The following APEH variants were observed in gnomAD, a reference collection of about 807,000 sequenced individuals.
APEH encodes acylaminoacyl-peptide hydrolase, also known as acylamino-acid-releasing enzyme.
In APEH, 75 loss-of-function variants were observed where a neutral mutation model predicts 102.7. The ratio of observed to expected loss-of-function variants is 0.73; its 90% CI spans 0.61 to 0.89. The LOEUF (loss-of-function observed/expected upper bound fraction) is 0.89, where lower values mean the gene tolerates loss of function less well. APEH is among the 40% of genes least tolerant of loss of function. APEH has a pLI of 0.00. For synonymous variants in APEH, 344 were observed against 362.7 expected (o/e 0.95, Z 0.59); for missense variants, 863 against 941.2 (o/e 0.92, Z 1.09).
At chr3:49,673,831 G>GCTCACGCTCACAGGCTC (rs1349241443), upstream of APEH, among the ~76,000 whole-genome samples, 1 of 138,034 alleles carries the variant, frequency 7.2e-6, no homozygotes, top group Non-Finnish European at 1.5e-5. Context: ...TCACGCTCAC[G>GCTCACGCTCACAGGCTC]CTCACGCTCA....
chr3:49,674,616 A>T lies in APEH; in HGVS notation c.140A>T (p.His47Leu). ...TQYGGQYRTV[H>L]TEWTQRDLER... Reference sequence around the variant, plus strand: ...TACGGCGGCCAATACCGGACGGTGCACACTGGTGTGTGTGCGAAGGGGAAC... The same window carrying T: ...TACGGCGGCCAATACCGGACGGTGCTCACTGGTGTGTGTGCGAAGGGGAAC... The change falls in exon 2 of 22, where the codon CAC becomes CTC. Residue 47 changes from histidine to leucine, a missense_variant. Physicochemically the swap from His to Leu is moderately conservative, Grantham distance 99. Coordinates refer to ENST00000296456, the MANE Select transcript of APEH (RefSeq NM_001640.4). 6.3e-7 allele frequency: 1 copy of T among 1,585,684 alleles called. No homozygotes were observed. Among genetic ancestry groups the T allele is most frequent in the Non-Finnish European group, 8.5e-7 (1 of 1,175,472 alleles).
chr3:49,676,922 C>T lies in APEH; in HGVS notation c.897C>T (p.Ser299=), dbSNP rs1247811575. The T allele has an allele frequency of 8.1e-6, 13 of 1,614,190 alleles. No homozygotes were observed. Among genetic ancestry groups the T allele is most frequent in the Non-Finnish European group, 1.1e-5 (13 of 1,180,042 alleles). The change falls in exon 10 of 22, where the codon TCC becomes TCT. Residue 299 remains serine, a synonymous_variant. Transcript: ENST00000296456. ...GGKCELLSDD[S]LAVSSPRLSP... ...GCCCAGAGCTCCTCTCGGATGACTC[C>T]CTGGCTGTCTCTTCTCCCCGGCTGA...
At chr3:49,674,726 G>A (rs2052940463) in intron 2 of APEH, 105 bp downstream of exon 2, 1 of 1,443,246 alleles carries the variant, frequency 6.9e-7, no homozygotes, top group Non-Finnish European at 9.3e-7. Context: ...GGGTATATAG[G>A]GAGCCGGCCT....
rs141453477 is a variant in APEH at position 49,680,738 on chromosome 3, C to A, written c.1299+109C>A. The A allele has an allele frequency of 1.5e-4, 144 of 987,576 alleles. No homozygotes were observed. In the East Asian group the frequency reaches 3.7e-3, roughly 25 times the overall value. The allele number at this position is 987,576 out of a possible 1,614,324, so 61.2% of individuals were successfully genotyped here. ...CTGACCTGGCTGGTCAGCATACAGA[C>A]GGGCCAAGACACAGGCCCAGCTTGG... On this transcript the variant is annotated intron_variant, in intron 14 of 21. Coordinates refer to ENST00000296456, the MANE Select transcript of APEH (RefSeq NM_001640.4).
rs2053054610 is a variant in APEH, at chr3:49,676,381, G to C, written c.610G>C (p.Asp204His). ...ATTGAGTATCTTGTGTTCTCAGGGG[G>C]ATCAGTTTGTGTTTTATGAAGACTG... ...LKKPDQAIKG[D>H]QFVFYEDWGE... Residue 204 changes from aspartate (D) to histidine (H), a missense_variant, in exon 7 of 22, where the codon GAT (aspartate) becomes CAT (histidine). Coordinates refer to ENST00000296456, the MANE Select transcript of APEH (RefSeq NM_001640.4). 1 of 1,614,204 alleles carries C rather than the reference G, an allele frequency of 6.2e-7. No homozygotes were observed. Among genetic ancestry groups the C allele is most frequent in the Non-Finnish European group, 8.5e-7 (1 of 1,180,044 alleles).
chr3:49,682,969 G>T, intron 20 of APEH, 24 bp downstream of exon 20: 1 of 1,612,004 alleles, frequency 6.2e-7, no homozygotes, highest in South Asian at 1.1e-5. Context: ...TCCTTGCCCT[G>T]TGTGCTGCCC....
Position 49,683,425 on chromosome 3 carries a change from G to A in APEH, c.*83G>A, listed in dbSNP as rs560104872. 2.8e-5 allele frequency: 34 copies of A among 1,220,606 alleles called. No individual in the cohort carries two copies. In the South Asian group the frequency reaches 3.9e-4, roughly 14 times the overall value. The allele number at this position is 1,220,606 out of a possible 1,614,324, so 75.6% of individuals were successfully genotyped here. ...TCAACGGTCTGGCAGGGCAGCAGGA[G>A]GCTTTCTGGGCTCTGGACTCCACGG... On this transcript the variant is annotated 3_prime_UTR_variant, in exon 22 of 22. Coordinates refer to ENST00000296456, the MANE Select transcript of APEH (RefSeq NM_001640.4).
chr3:49,679,718 C>A lies in APEH; in HGVS notation c.1210+74C>A. The A allele has an allele frequency of 6.8e-7, 1 of 1,469,208 alleles. No individual in the cohort carries two copies. Among genetic ancestry groups the A allele is most frequent in the Non-Finnish European group, 9.5e-7 (1 of 1,051,790 alleles). 91.0% of individuals were successfully genotyped at this position (1,469,208 alleles called of 1,614,324 possible). On this transcript the variant is annotated intron_variant, in intron 13 of 21. Transcript: ENST00000296456. This position sits in a 1 kb window ranked among gnomAD's most constrained non-coding sequence, Gnocchi z 4.3. ...CCAACCAGGCAGCGGGGGACTGGAG[C>A]TCCAACATGTGGGGCAGTGATGGCA...
chr3:49,674,583 C>T lies in APEH; in HGVS notation c.107C>T (p.Thr36Ile). The change falls in exon 2 of 22, where the codon ACC (threonine) becomes ATC (isoleucine). Residue 36 changes from threonine to isoleucine, a missense_variant. Thr to Ile is a moderately conservative substitution (Grantham distance 89, BLOSUM62 -1). Coordinates refer to ENST00000296456, the MANE Select transcript of APEH (RefSeq NM_001640.4). ...LSAACLGPEV[T>I]TQYGGQYRTV... is the part of the protein sequence containing the mutation. ...GCCGCCTGCCTGGGCCCGGAGGTCA[C>T]CACGCAGTACGGCGGCCAATACCGG... 1 of 1,578,854 alleles carries T rather than the reference C, an allele frequency of 6.3e-7. No homozygotes were observed. The highest frequency in any genetic ancestry group is 1.1e-5 in the South Asian group (1 of 87,836).
intron 11 of APEH, 47 bp downstream of exon 11, chr3:49,677,680 C>T: frequency 6.5e-7 from 1 of 1,533,356 alleles, no homozygotes; most frequent in Admixed American, 1.7e-5. Context: ...TGTAGCTCTG[C>T]TTTCCTGCCG....
rs1001094509 is a variant in APEH, at chr3:49,683,031, A to G, written c.1987-9A>G. 1.2e-6 allele frequency: 2 copies of G among 1,612,996 alleles called. No individual in the cohort carries two copies. Among genetic ancestry groups the G allele is most frequent in the Non-Finnish European group, 1.7e-6 (2 of 1,179,392 alleles). ...CAACACAGCTCCCCACTCTTCCCCAAACACCCAGGTGAAGACACCACTGTT... is the reference window on the plus strand; with the variant it reads ...CAACACAGCTCCCCACTCTTCCCCAGACACCCAGGTGAAGACACCACTGTT... On this transcript the variant is annotated splice_polypyrimidine_tract_variant and intron_variant, in intron 20 of 21. Coordinates refer to ENST00000296456, the MANE Select transcript of APEH (RefSeq NM_001640.4).
At position 49,677,649 on chromosome 3, in the gene APEH, C is replaced by A; in HGVS notation, c.1060+16C>A. 6.2e-7 allele frequency: 1 copy of A among 1,610,192 alleles called. No homozygotes were observed. The highest frequency in any genetic ancestry group is 8.5e-7 in the Non-Finnish European group (1 of 1,176,702). On this transcript the variant is annotated intron_variant, in intron 11 of 21. Coordinates refer to ENST00000296456, the MANE Select transcript of APEH (RefSeq NM_001640.4). ...CAGCTGGGAGGTAAGGCATACCTGG[C>A]TGGGTGGGTGCAGTGGGGCCTGTAG...
At position 49,681,777 on chromosome 3, in the gene APEH, C is replaced by T. The variant is rs751067244; in HGVS notation, c.1494C>T (p.Thr498=). Residue 498 remains threonine (T), a synonymous_variant, in exon 16 of 22, where the codon ACC becomes ACT. Coordinates refer to ENST00000296456, the MANE Select transcript of APEH (RefSeq NM_001640.4). ...AGCCTGGCAGCCCTCCAGATAAGAC[C>T]CAAGTGCCCATGGTGGTCATGCCCC... The part of the protein sequence containing the change: ...LLQPGSPPDK[T]QVPMVVMPHG... The T allele has an allele frequency of 1.2e-6, 2 of 1,610,698 alleles. No individual in the cohort carries two copies. The highest frequency in any genetic ancestry group is 1.1e-5 in the South Asian group (1 of 90,702).
chr3:49,676,767 G>T lies in APEH; in HGVS notation c.837-10G>T. On this transcript the variant is annotated splice_polypyrimidine_tract_variant and intron_variant, in intron 8 of 21. Coordinates refer to ENST00000296456, the MANE Select transcript of APEH (RefSeq NM_001640.4). ...GGCCTTGAGACTGAGTGTCTGTCTC[G>T]TGGTTCCAGGTCAGCCCTGTATTAT... 1 of 1,614,258 alleles carries T rather than the reference G, an allele frequency of 6.2e-7. No individual in the cohort carries two copies. Among genetic ancestry groups the T allele is most frequent in the South Asian group, 1.1e-5 (1 of 91,090 alleles).
In APEH at chr3:49,681,792, G is replaced by A. The variant is rs1453664893; in HGVS notation, c.1509G>A (p.Val503=). The A allele has an allele frequency of 6.2e-7, 1 of 1,611,824 alleles. No individual in the cohort carries two copies. Among genetic ancestry groups the A allele is most frequent in the South Asian group, 1.1e-5 (1 of 90,886 alleles). The change falls in exon 16 of 22, where the codon GTG becomes GTA. Residue 503 remains valine (V), a synonymous_variant. Coordinates refer to ENST00000296456, the MANE Select transcript of APEH (RefSeq NM_001640.4). ...SPPDKTQVPM[V]VMPHGGPHSS... ...CAGATAAGACCCAAGTGCCCATGGT[G>A]GTCATGCCCCACGGTAGGCATCTGG... is the stretch of plus-strand genomic sequence containing the variant.
chr3:49,679,885 G>T lies in APEH; in HGVS notation c.1210+241G>T. 1 of 464,418 alleles carries T rather than the reference G, an allele frequency of 2.2e-6. No homozygotes were observed. 28.8% of individuals were successfully genotyped at this position (464,418 alleles called of 1,614,324 possible). A position where few individuals can be genotyped will look rare whatever the true frequency, so the allele number is the denominator to read the frequency against. On this transcript the variant is annotated intron_variant, in intron 13 of 21. Coordinates refer to ENST00000296456, the MANE Select transcript of APEH (RefSeq NM_001640.4). This position sits in a 1 kb window ranked among gnomAD's most constrained non-coding sequence, Gnocchi z 4.3. Reference sequence around the variant, plus strand: ...TTTAGCACTCAACTCTGTTCCATGTGTCCTGGCCCAGCCTCAGCACGGCCC... The same window carrying T: ...TTTAGCACTCAACTCTGTTCCATGTTTCCTGGCCCAGCCTCAGCACGGCCC...
At position 49,682,577 on chromosome 3, in the gene APEH, A is replaced by G. The variant is rs144052038; in HGVS notation, c.1724A>G (p.His575Arg). 762 of 1,614,010 alleles carry G rather than the reference A, an allele frequency of 4.7e-4. 1 individual carries two copies. Among genetic ancestry groups the G allele is most frequent in the Non-Finnish European group, 6.0e-4 (708 of 1,180,026 alleles). ...FAVEQVLQEE[H>R]FDASHVALMG... ...GTGGAACAGGTGCTCCAGGAGGAAC[A>G]CTTTGATGCAAGCCATGTGGCCCTT... Residue 575 changes from histidine (H) to arginine (R), a missense_variant, in exon 19 of 22, where the codon CAC (histidine) becomes CGC (arginine). His to Arg is a conservative substitution (Grantham distance 29, BLOSUM62 0). Coordinates refer to ENST00000296456, the MANE Select transcript of APEH (RefSeq NM_001640.4).
Position 49,681,748 on chromosome 3 carries a change from C to T in APEH, c.1465C>T (p.Leu489=). 1.9e-6 allele frequency: 3 copies of T among 1,602,908 alleles called. No individual in the cohort carries two copies. Among genetic ancestry groups the T allele is most frequent in the Non-Finnish European group, 2.6e-6 (3 of 1,173,588 alleles). Residue 489 remains leucine, a synonymous_variant, in exon 16 of 22, where the codon CTG becomes TTG. Coordinates refer to ENST00000296456, the MANE Select transcript of APEH (RefSeq NM_001640.4). ...TGGCCTTGACTTTGAAGCAATCCTG[C>T]TGCAGCCTGGCAGCCCTCCAGATAA... ...YAGLDFEAIL[L]QPGSPPDKTQ...
At chr3:49,674,438 G>A in intron 1 of APEH, 25 bp downstream of exon 1, 1 of 1,573,618 alleles carries the variant, frequency 6.4e-7, no homozygotes, top group Non-Finnish European at 8.6e-7. Context: ...CGCGGTCCCC[G>A]TGGTCCCTGC....
Sources: gnomAD v4.1 joint callset for allele counts (sites outside exome capture counted in the v4.1 genomes callset) on GRCh38, gnomAD v4.1.1 for gene constraint, Gnocchi (gnomAD v3.1) non-coding constraint, MANE v1.5 for transcripts, NCBI Gene and HGNC (gene_info 2026-07-23, HGNC 2026-07-21) for gene names.